DCC: variants seen among roughly 807,000 people sequenced by gnomAD.
DCC encodes netrin receptor DCC.
Under a neutral mutation model 172.5 loss-of-function variants are expected in DCC, and 58 were observed. The observed-to-expected ratio is 0.34, with a 90% CI of 0.27 to 0.42. The LOEUF is 0.42. Among genes scored for constraint, DCC ranks in the 10% least tolerant of loss-of-function variants. The probability of loss-of-function intolerance (pLI) is 1.00; values close to 1 mark genes in which losing one functional copy is unlikely to be tolerated. For synonymous variants in DCC, 709 were observed against 644.5 expected (o/e 1.10, Z -1.52); for missense variants, 1,740 against 1,791.0 (o/e 0.97, Z 0.51).
At chr18:53,318,336 G>GT (rs2057367442) in intron 13 of DCC, among the ~76,000 whole-genome samples, 1 of 152,154 alleles carries the variant, frequency 6.6e-6, no homozygotes, top group Non-Finnish European at 1.5e-5. Context: ...TTGCACTGTG[G>GT]TCTAAGAGAC....
At chr18:53,208,685 ATTGTGC>A (rs1423078937) in intron 11 of DCC, among the ~76,000 whole-genome samples, 1 of 152,160 alleles carries the variant, frequency 6.6e-6, no homozygotes, top group Non-Finnish European at 1.5e-5. Flanking sequence ...CAGTGACTCA[ATTGTGC>A]TTCACTACAC....
chr18:53,308,745 G>A (rs548600935), intron 13 of DCC, among the ~76,000 whole-genome samples: 7 of 152,256 alleles, frequency 4.6e-5, no homozygotes, highest in East Asian at 1.9e-4. Context: ...AACGCAGTAC[G>A]GCAACTATTA....
chr18:52,795,750 G>A (rs1232597404), intron 2 of DCC, among the ~76,000 whole-genome samples: 1 of 151,744 alleles, frequency 6.6e-6, no homozygotes, highest in Non-Finnish European at 1.5e-5. Context: ...CTTCCTTCTA[G>A]CACTGCTTTT....
chr18:53,262,995 G>A (rs185546063), intron 12 of DCC, among the ~76,000 whole-genome samples: 282 of 152,280 alleles, frequency 1.9e-3, no homozygotes, highest in African/African-American at 6.5e-3. Flanking sequence ...TCATTGGTAA[G>A]CATTGGCAAT....
chr18:52,716,019 A>G (rs1209854514), intron 1 of DCC, among the ~76,000 whole-genome samples: 3 of 151,884 alleles, frequency 2.0e-5, no homozygotes, highest in Non-Finnish European at 2.9e-5. Flanking sequence ...TCATCTGTAA[A>G]AAGAAGGAAT....
chr18:53,008,759 C>G (rs577571185), intron 5 of DCC, among the ~76,000 whole-genome samples: 1 of 151,788 alleles, frequency 6.6e-6, no homozygotes, highest in Non-Finnish European at 1.5e-5. Context: ...AAAAAATTCT[C>G]AATACATGCT....
chr18:53,123,291 G>A (rs2043508886), intron 7 of DCC, among the ~76,000 whole-genome samples: 1 of 152,094 alleles, frequency 6.6e-6, no homozygotes, highest in Non-Finnish European at 1.5e-5. Context: ...GAAGTTGGGG[G>A]ATGGTGGAGG....
chr18:53,162,489 C>T (rs2054858270), intron 8 of DCC, among the ~76,000 whole-genome samples: 1 of 152,180 alleles, frequency 6.6e-6, no homozygotes, highest in Non-Finnish European at 1.5e-5. Flanking sequence ...TGCTTCAAAA[C>T]CCTGTGATGA....
intron 5 of DCC, among the ~76,000 whole-genome samples, chr18:52,975,231 T>A (rs1201789897): frequency 6.6e-6 from 1 of 152,182 alleles, no homozygotes; most frequent in Admixed American, 6.5e-5. Flanking sequence ...TTGGTCTTGG[T>A]TGGGGCTTTC....
chr18:52,824,279 T>G (rs1336951445), intron 2 of DCC, among the ~76,000 whole-genome samples: 1 of 152,202 alleles, frequency 6.6e-6, no homozygotes, highest in Non-Finnish European at 1.5e-5. Context: ...ACTCTCCTTG[T>G]GTCTTGTGAA....
intron 5 of DCC, among the ~76,000 whole-genome samples, chr18:53,025,318 G>T (rs777269827): frequency 2.0e-5 from 3 of 152,130 alleles, no homozygotes; most frequent in Non-Finnish European, 4.4e-5. Flanking sequence ...TATCCTTAAG[G>T]AAAATATTAA....
intron 1 of DCC, among the ~76,000 whole-genome samples, chr18:52,528,692 G>T (rs1296537465): frequency 6.6e-6 from 1 of 152,012 alleles, no homozygotes; most frequent in Non-Finnish European, 1.5e-5. Context: ...ACTTCTGCTT[G>T]TCTGCTCCTA....
intron 7 of DCC, among the ~76,000 whole-genome samples, chr18:53,137,030 G>C (rs910627931): frequency 3.0e-4 from 45 of 152,182 alleles, no homozygotes; most frequent in Non-Finnish European, 1.2e-4. Context: ...ACTTACCTAG[G>C]AAGAGGAGAG....
chr18:52,927,487 T>A (rs539006855), intron 5 of DCC, among the ~76,000 whole-genome samples: 1 of 152,140 alleles, frequency 6.6e-6, no homozygotes, highest in South Asian at 2.1e-4. Context: ...CATAAACTTC[T>A]CATATTTCAT....
chr18:53,305,205 A>G (rs965075291), intron 12 of DCC, among the ~76,000 whole-genome samples: 1 of 151,954 alleles, frequency 6.6e-6, no homozygotes, highest in African/African-American at 2.4e-5. Context: ...GTGAGAACAG[A>G]CTAATCCACT....
rs199753053 is a variant in DCC at position 53,467,895 on chromosome 18, T to C, written c.3621T>C (p.Gly1207=). The C allele has an allele frequency of 1.0e-4, 158 of 1,556,210 alleles. No homozygotes were observed. The highest frequency in any genetic ancestry group is 1.3e-4 in the Non-Finnish European group (150 of 1,127,448). ...QLGSKSTSHS[G]QDTEEAGSSM... is the part of the protein sequence containing the mutation. ...TTCTCAGGAGTGTGTATTTTTTAGG[T>C]CAAGACACTGAGGAAGCAGGGAGCT... The change falls in exon 25 of 29, where the codon GGT becomes GGC. Residue 1207 remains glycine, a splice_region_variant and synonymous_variant. Coordinates refer to ENST00000442544, the MANE Select transcript of DCC (RefSeq NM_005215.4).
chr18:52,888,145 T>A (rs2039595757), intron 2 of DCC, among the ~76,000 whole-genome samples: 1 of 152,208 alleles, frequency 6.6e-6, no homozygotes, highest in Non-Finnish European at 1.5e-5. Flanking sequence ...GAGCATGCCC[T>A]CCCCTGTTGT....
chr18:53,382,137 T>C (rs992212735), intron 15 of DCC, among the ~76,000 whole-genome samples: 3 of 150,624 alleles, frequency 2.0e-5, no homozygotes, highest in Non-Finnish European at 4.4e-5. Flanking sequence ...GTGTGGAATT[T>C]CTGATCACTT....
chr18:53,435,951 T>C (rs1029189371), intron 22 of DCC, among the ~76,000 whole-genome samples: 1 of 152,204 alleles, frequency 6.6e-6, no homozygotes, highest in Non-Finnish European at 1.5e-5. Context: ...TCTTTTTCAT[T>C]ATTGCTGTTG....
Sources: allele counts gnomAD v4.1 joint callset (sites outside exome capture counted in the v4.1 genomes callset), GRCh38; gene constraint gnomAD v4.1.1; transcripts MANE v1.5; gene names NCBI Gene and HGNC (gene_info 2026-07-23, HGNC 2026-07-21).